LINGO2: variants seen among roughly 807,000 people sequenced by gnomAD.
The protein encoded by LINGO2 is leucine rich repeat and Ig domain containing 2.
A neutral mutation model predicts 30.6 loss-of-function variants in LINGO2; 14 were observed. The ratio of observed to expected loss-of-function variants is 0.46; its 90% CI spans 0.30 to 0.72. The LOEUF is 0.72. LINGO2 is among the 30% of genes least tolerant of loss of function. The probability of loss-of-function intolerance (pLI) is 0.07; values close to 1 mark genes in which losing one functional copy is unlikely to be tolerated. For synonymous variants in LINGO2, 317 were observed against 288.5 expected (o/e 1.10, Z -1.00); for missense variants, 729 against 751.7 (o/e 0.97, Z 0.35).
chr9:28,230,838 T>C (rs573618644), intron 4 of LINGO2, among the ~76,000 whole-genome samples: 11 of 152,072 alleles, frequency 7.2e-5, no homozygotes, highest in African/African-American at 2.4e-4. Flanking sequence ...TTTCTTACTA[T>C]AGTCTTAAAT....
At chr9:28,144,468 T>C (rs1424939799) in intron 4 of LINGO2, among the ~76,000 whole-genome samples, 3 of 152,234 alleles carry the variant, frequency 2.0e-5, no homozygotes, top group Non-Finnish European at 2.9e-5. Flanking sequence ...ATAAGATTTC[T>C]TGAATGTAAC....
At chr9:28,352,498 A>G (rs1819945446) in intron 3 of LINGO2, among the ~76,000 whole-genome samples, 1 of 114,916 alleles carries the variant, frequency 8.7e-6, no homozygotes, top group Non-Finnish European at 1.8e-5. Flanking sequence ...AAGGAAATAA[A>G]AGAGGATACA....
the LINGO2 span, among the ~76,000 whole-genome samples, chr9:29,156,855 A>G: frequency 1.3e-5 from 2 of 152,096 alleles, no homozygotes; most frequent in Non-Finnish European, 2.9e-5. Context: ...AGGGTAAGGT[A>G]TCACTTAATG....
intron 3 of LINGO2, among the ~76,000 whole-genome samples, chr9:28,357,750 C>T (rs1307589782): frequency 1.3e-5 from 2 of 152,000 alleles, no homozygotes; most frequent in Non-Finnish European, 2.9e-5. Context: ...CTTTAATTTT[C>T]TGTTAAAGTT....
chr9:29,211,828 G>T, the LINGO2 span, among the ~76,000 whole-genome samples: 1 of 152,070 alleles, frequency 6.6e-6, no homozygotes, highest in Non-Finnish European at 1.5e-5. Context: ...GGAGCAGCCT[G>T]GCCCAGACCA....
At chr9:28,347,390 A>AAT (rs1279303665) in intron 3 of LINGO2, among the ~76,000 whole-genome samples, 2 of 151,158 alleles carry the variant, frequency 1.3e-5, no homozygotes, top group Non-Finnish European at 2.9e-5. Context: ...CAACCCTCCT[A>AAT]ATATATATAC....
chr9:28,267,395 T>A (rs1332721214), intron 4 of LINGO2, among the ~76,000 whole-genome samples: 1 of 151,998 alleles, frequency 6.6e-6, no homozygotes, highest in Non-Finnish European at 1.5e-5. Flanking sequence ...TAAAATAAAC[T>A]TCTAATCACA....
At chr9:28,086,938 T>C (rs1409003503) in intron 4 of LINGO2, among the ~76,000 whole-genome samples, 2 of 152,152 alleles carry the variant, frequency 1.3e-5, no homozygotes, top group Non-Finnish European at 2.9e-5. Flanking sequence ...GACTTTGAAG[T>C]TATTTTCATG....
chr9:28,956,893 T>C, the LINGO2 span, among the ~76,000 whole-genome samples: 1 of 151,360 alleles, frequency 6.6e-6, no homozygotes, highest in Admixed American at 6.6e-5. Context: ...AAACACAGAA[T>C]TTCTTTCTCT....
intron 4 of LINGO2, among the ~76,000 whole-genome samples, chr9:28,223,727 A>G (rs80068389): frequency 0.034 from 5,190 of 152,308 alleles, 302 homozygotes; most frequent in African/African-American, 0.12. Context: ...TGGATGCTGG[A>G]AACTTCATAG....
chr9:28,460,294 T>C (rs1240769731), intron 2 of LINGO2, among the ~76,000 whole-genome samples: 1 of 152,174 alleles, frequency 6.6e-6, no homozygotes, highest in Non-Finnish European at 1.5e-5. Context: ...TCAGAGTCCT[T>C]TTAGGATCTT....
the LINGO2 span, among the ~76,000 whole-genome samples, chr9:28,984,504 G>A: frequency 1.3e-5 from 2 of 151,824 alleles, no homozygotes; most frequent in African/African-American, 4.8e-5. Context: ...TTGAATCAGA[G>A]GGCACAGGAA....
At chr9:27,945,323 A>AT (rs1823323056), downstream of LINGO2, among the ~76,000 whole-genome samples, 1 of 152,162 alleles carries the variant, frequency 6.6e-6, no homozygotes, top group Non-Finnish European at 1.5e-5. Flanking sequence ...TTAAATAATC[A>AT]TTTTTTAAAG....
intron 1 of LINGO2, among the ~76,000 whole-genome samples, chr9:28,503,102 T>A (rs574980265): frequency 6.6e-6 from 1 of 152,054 alleles, no homozygotes; most frequent in Non-Finnish European, 1.5e-5. Context: ...TTTTACGAAT[T>A]TGACTCAAAA....
the LINGO2 span, among the ~76,000 whole-genome samples, chr9:29,084,820 AC>A: frequency 6.6e-6 from 1 of 151,992 alleles, no homozygotes; most frequent in South Asian, 2.1e-4. Flanking sequence ...CAATTTTCCT[AC>A]TAAATTATAG....
the LINGO2 span, among the ~76,000 whole-genome samples, chr9:29,113,041 G>A: frequency 6.6e-6 from 1 of 152,124 alleles, no homozygotes; most frequent in South Asian, 2.1e-4. Context: ...GATTGTCAGT[G>A]GCAAAGTATC....
intron 4 of LINGO2, among the ~76,000 whole-genome samples, chr9:28,150,366 T>TA (rs991727846): frequency 7.9e-5 from 12 of 151,938 alleles, no homozygotes; most frequent in African/African-American, 1.9e-4. Flanking sequence ...ACTTTTTAAT[T>TA]AAAAAAAAGG....
intron 4 of LINGO2, among the ~76,000 whole-genome samples, chr9:28,224,732 T>A (rs1023569720): frequency 2.0e-5 from 3 of 152,128 alleles, no homozygotes; most frequent in Non-Finnish European, 4.4e-5. Context: ...TTAATCCCTA[T>A]GAAAATATTA....
At chr9:28,893,951 T>C in the LINGO2 span, among the ~76,000 whole-genome samples, 1 of 151,412 alleles carries the variant, frequency 6.6e-6, no homozygotes, top group African/African-American at 2.4e-5. Flanking sequence ...CCTTCCTGTG[T>C]CCATGTGTTC....
Sources: gnomAD v4.1 joint callset for allele counts (sites outside exome capture counted in the v4.1 genomes callset) on GRCh38, gnomAD v4.1.1 for gene constraint, MANE v1.5 for transcripts, NCBI Gene and HGNC (gene_info 2026-07-23, HGNC 2026-07-21) for gene names.